The following ZFHX3 variants were observed in gnomAD, a reference collection of about 807,000 sequenced individuals.
ZFHX3 encodes the protein zinc finger homeobox 3.
A neutral mutation model predicts 279.1 loss-of-function variants in ZFHX3; 42 were observed. That is an observed-to-expected ratio of 0.15 (90% CI 0.12 to 0.19). The LOEUF (loss-of-function observed/expected upper bound fraction) is 0.19, where lower values mean the gene tolerates loss of function less well. Ranked by LOEUF, ZFHX3 falls within the 10% of genes least tolerant of loss-of-function variation. The pLI is 1.00. For synonymous variants in ZFHX3, 2,293 were observed against 1,957.8 expected, an observed-to-expected ratio of 1.17 and a Z score of -4.52; for missense variants, 4,981 against 4,754.0, an observed-to-expected ratio of 1.05 and a Z score of -1.40.
intron 5 of ZFHX3, among the ~76,000 whole-genome samples, chr16:73,224,011 T>C (rs1410554353): frequency 1.3e-5 from 2 of 152,186 alleles, no homozygotes; most frequent in African/African-American, 4.8e-5. Flanking sequence ...CAGCGGTTGC[T>C]ATAGGCTAGG....
At chr16:73,585,892 G>A (rs1214939103) in intron 2 of ZFHX3, among the ~76,000 whole-genome samples, 1 of 152,010 alleles carries the variant, frequency 6.6e-6, no homozygotes, top group Non-Finnish European at 1.5e-5. Context: ...AAGAAAAAAA[G>A]GCATTTAACT....
At chr16:73,295,796 G>A (rs1247150221) in intron 4 of ZFHX3, among the ~76,000 whole-genome samples, 4 of 152,176 alleles carry the variant, frequency 2.6e-5, no homozygotes, top group African/African-American at 9.7e-5. Context: ...GGATGGTAAG[G>A]ATGGAAGAGA....
intron 2 of ZFHX3, among the ~76,000 whole-genome samples, chr16:73,465,294 G>A (rs2018545811): frequency 1.3e-5 from 2 of 152,182 alleles, no homozygotes; most frequent in Admixed American, 6.5e-5. Context: ...AATCTAGATG[G>A]AGGGTCTGAG....
At chr16:73,035,012 C>T (rs1250313873) in intron 1 of ZFHX3, among the ~76,000 whole-genome samples, 1 of 152,298 alleles carries the variant, frequency 6.6e-6, no homozygotes, top group South Asian at 2.1e-4. Flanking sequence ...CAGAAGAGCA[C>T]AGGGCAGCAA....
Position 72,842,197 on chromosome 16 carries a change from A to C in ZFHX3, c.3449-12338T>G, listed in dbSNP as rs542803266. Among the ~76,000 whole-genome samples the C allele has an allele frequency of 5.0e-4, 76 of 151,972 alleles. 1 individual carries two copies. Among genetic ancestry groups the C allele is most frequent in the South Asian group, 8.3e-4 (4 of 4,820 alleles). On this transcript the variant is annotated intron_variant, in intron 4 of 9. Transcript: ENST00000268489. ...CGTCCCCAAACTTTCATAAGTGAGCAACTTGTTTTTTTGTTTTTTTTTTCT... is the reference window on the plus strand; with the variant it reads ...CGTCCCCAAACTTTCATAAGTGAGCCACTTGTTTTTTTGTTTTTTTTTTCT...
chr16:73,888,370 C>G (rs1488450147), intron 1 of ZFHX3, among the ~76,000 whole-genome samples: 1 of 152,044 alleles, frequency 6.6e-6, no homozygotes, highest in Non-Finnish European at 1.5e-5. Flanking sequence ...ACGGCTTTTG[C>G]CATAGTTGTT....
At chr16:73,043,047 A>G (rs1391771968) in intron 1 of ZFHX3, among the ~76,000 whole-genome samples, 1 of 151,986 alleles carries the variant, frequency 6.6e-6, no homozygotes, top group Non-Finnish European at 1.5e-5. Context: ...AGCAGCCAGG[A>G]GTAGGGGTGG....
intron 2 of ZFHX3, among the ~76,000 whole-genome samples, chr16:73,657,080 C>A (rs1456022779): frequency 6.6e-6 from 1 of 152,170 alleles, no homozygotes; most frequent in Non-Finnish European, 1.5e-5. Flanking sequence ...ATTTAGTATA[C>A]AAACATACAA....
chr16:73,198,252 G>A (rs1057138431), intron 5 of ZFHX3, among the ~76,000 whole-genome samples: 2 of 151,538 alleles, frequency 1.3e-5, no homozygotes, highest in Non-Finnish European at 2.9e-5. Flanking sequence ...TTTGGTGTTT[G>A]AAGAATCATG....
chr16:73,184,512 T>G (rs1245776960), intron 5 of ZFHX3, among the ~76,000 whole-genome samples: 1 of 152,146 alleles, frequency 6.6e-6, no homozygotes, highest in Non-Finnish European at 1.5e-5. Flanking sequence ...CAAGTGGGGA[T>G]TTATTTCAAA....
intron 1 of ZFHX3, among the ~76,000 whole-genome samples, chr16:73,743,317 A>G (rs1265136635): frequency 3.9e-5 from 6 of 152,216 alleles, no homozygotes; most frequent in Non-Finnish European, 8.8e-5. Flanking sequence ...AGTTGATTTC[A>G]TCAAATTCCC....
intron 8 of ZFHX3, among the ~76,000 whole-genome samples, chr16:73,078,745 C>T (rs370658178): frequency 7.9e-5 from 12 of 151,956 alleles, no homozygotes; most frequent in East Asian, 5.9e-4. Context: ...CCTGGGTTCA[C>T]GCCATTCTCC....
chr16:72,794,377 T>C lies in ZFHX3; in HGVS notation c.8305A>G (p.Ser2769Gly), dbSNP rs755406016. 1.2e-5 allele frequency: 20 copies of C among 1,604,186 alleles called. No homozygotes were observed. The stretch of plus-strand genomic sequence containing the variant: ...CTGCTTGGGGGTAGGTGGGAAAAGC[T>C]AGTTCCGTCAAAAATATCTCCTTTC... ...QMKGDIFDGT[S>G]FSHLPPSSSD... Residue 2769 changes from serine (S) to glycine (G), a missense_variant, in exon 9 of 10, where the codon AGC becomes GGC. This residue lies in a region of ZFHX3 where 744 missense variants were observed against 701.3 expected (regional missense o/e 1.06). Coordinates refer to ENST00000268489, the MANE Select transcript of ZFHX3 (RefSeq NM_006885.4). The surrounding 1 kb of genome is among the most constrained non-coding windows in gnomAD (Gnocchi z 4.2).
At chr16:73,685,273 C>T (rs1282473717) in intron 1 of ZFHX3, among the ~76,000 whole-genome samples, 1 of 152,194 alleles carries the variant, frequency 6.6e-6, no homozygotes, top group African/African-American at 2.4e-5. Flanking sequence ...CCCTCAGCCT[C>T]CCAACGTGCT....
At chr16:73,010,512 G>A (rs1223251592) in intron 1 of ZFHX3, among the ~76,000 whole-genome samples, 3 of 152,210 alleles carry the variant, frequency 2.0e-5, no homozygotes, top group African/African-American at 7.2e-5. Context: ...ATGCATTAAA[G>A]CGAAAATGCT....
intron 2 of ZFHX3, among the ~76,000 whole-genome samples, chr16:73,555,144 T>C (rs574581467): frequency 3.3e-5 from 5 of 152,082 alleles, no homozygotes; most frequent in East Asian, 1.9e-4. Context: ...TTCTAGAACA[T>C]TGAAGGCAGT....
intron 2 of ZFHX3, among the ~76,000 whole-genome samples, chr16:73,518,518 G>A (rs1485582654): frequency 6.6e-6 from 1 of 152,148 alleles, no homozygotes; most frequent in Non-Finnish European, 1.5e-5. Flanking sequence ...AGATGTGTCA[G>A]TCCAAACCTC....
At chr16:73,635,783 A>G (rs1359844121) in intron 2 of ZFHX3, among the ~76,000 whole-genome samples, 2 of 152,114 alleles carry the variant, frequency 1.3e-5, no homozygotes, top group East Asian at 3.9e-4. Context: ...CTTTTTTCCA[A>G]TAATAGACAC....
Position 73,563,765 on chromosome 16 carries a change from G to A in ZFHX3, c.-1546-107507C>T, listed in dbSNP as rs1209438792. Among the ~76,000 whole-genome samples the A allele has an allele frequency of 5.9e-5, 9 of 152,044 alleles. No homozygotes were observed. The East Asian group carries it at 1.3e-3, about 23-fold the overall frequency. The stretch of plus-strand genomic sequence containing the variant: ...GAACAGGTTATGCTCCTAGCCTTGC[G>A]TTCTTAGAACATTTTGTTTTGGAGT... On this transcript the variant is annotated intron_variant, in intron 2 of 17. Transcript: ENST00000641206.
Sources: allele counts gnomAD v4.1 joint callset (sites outside exome capture counted in the v4.1 genomes callset), GRCh38; gene constraint gnomAD v4.1.1; regional missense constraint gnomAD v4.1.1; non-coding constraint Gnocchi (gnomAD v3.1); transcripts MANE v1.5; gene names NCBI Gene and HGNC (gene_info 2026-07-23, HGNC 2026-07-21).